CCDC138: variants seen among roughly 807,000 people sequenced by gnomAD.
The protein encoded by CCDC138 is coiled-coil domain-containing protein 138.
Under a neutral mutation model 82.3 loss-of-function variants are expected in CCDC138, and 66 were observed. The observed-to-expected ratio is 0.80, with a 90% CI of 0.66 to 0.98. The LOEUF (loss-of-function observed/expected upper bound fraction) is 0.98, where lower values mean the gene tolerates loss of function less well. CCDC138 is among the 50% of genes least tolerant of loss of function. The probability of loss-of-function intolerance (pLI) is 0.00; values close to 1 mark genes in which losing one functional copy is unlikely to be tolerated. For missense variants in CCDC138, 816 were observed against 758.9 expected, an observed-to-expected ratio of 1.08 and a Z score of -0.88; for synonymous variants, 297 against 265.4, an observed-to-expected ratio of 1.12 and a Z score of -1.16.
At chr2:108,788,174 T>C in intron 2 of CCDC138, 85 bp downstream of exon 2, 2 of 1,396,068 alleles carry the variant, frequency 1.4e-6, no homozygotes, top group Non-Finnish European at 2.0e-6. Flanking sequence ...ATCCCAGCAC[T>C]TTGGGAGGCC....
intron 12 of CCDC138, among the ~76,000 whole-genome samples, chr2:108,854,010 A>ATTTT (rs1558738296): frequency 1.0e-5 from 1 of 99,442 alleles, no homozygotes; most frequent in African/African-American, 4.0e-5. Context: ...TATTATATAT[A>ATTTT]ATATATAATA....
Position 108,812,698 on chromosome 2 carries a change from A to G in CCDC138, c.923A>G (p.Asp308Gly). 1 of 1,610,140 alleles carries G rather than the reference A, an allele frequency of 6.2e-7. No homozygotes were observed. Among genetic ancestry groups the G allele is most frequent in the Non-Finnish European group, 8.5e-7 (1 of 1,176,468 alleles). Residue 308 changes from aspartate (D) to glycine (G), a missense_variant, in exon 8 of 15, where the codon GAT becomes GGT. Physicochemically the swap from Asp to Gly is moderately conservative, Grantham distance 94. Transcript: ENST00000295124. ...IQAKRVQARL[D>G]NLQRKYEFMT... ...GCTAAAAGAGTTCAAGCTCGTTTAG[A>G]TAATTTACAGGTAAGTTGCCTGTTC...
In CCDC138 at chr2:108,804,870, T is replaced by G. The variant is rs767931251; in HGVS notation, c.736-19T>G. 2.0e-6 allele frequency: 3 copies of G among 1,489,096 alleles called. No individual in the cohort carries two copies. Among genetic ancestry groups the G allele is most frequent in the Non-Finnish European group, 1.8e-6 (2 of 1,125,996 alleles). 92.2% of individuals were successfully genotyped at this position (1,489,096 alleles called of 1,614,324 possible). The stretch of plus-strand genomic sequence containing the variant: ...GTCCTTACAAGTTTTAGATGAGAGT[T>G]TTTTTTTTCTCCTCCTAGCAGCATG... On this transcript the variant is annotated intron_variant, in intron 6 of 14. Transcript: ENST00000295124.
intron 2 of CCDC138, 78 bp from the exon 3 acceptor site, chr2:108,788,773 AT>A: frequency 6.4e-7 from 1 of 1,563,252 alleles, no homozygotes; most frequent in Admixed American, 1.9e-5. Context: ...AAATAGTATT[AT>A]TTAGACTTAT....
rs183020282 is a variant in CCDC138, at chr2:108,850,554, C to T, written c.1516+3624C>T. ...GCAGCCTCTGCTTCCCAGGTTCAAGCGATTCTCCTGCCTCAGCCTCCTGAG... is the reference window on the plus strand; with the variant it reads ...GCAGCCTCTGCTTCCCAGGTTCAAGTGATTCTCCTGCCTCAGCCTCCTGAG... On this transcript the variant is annotated intron_variant, in intron 12 of 14. Transcript: ENST00000295124. Among the ~76,000 whole-genome samples, 108 of 152,162 alleles carry T rather than the reference C, an allele frequency of 7.1e-4. No homozygotes were observed. The Middle Eastern group carries it at 0.01, about 15-fold the overall frequency.
intron 6 of CCDC138, among the ~76,000 whole-genome samples, chr2:108,803,045 G>T (rs1366963201): frequency 6.6e-6 from 1 of 152,182 alleles, no homozygotes; most frequent in Non-Finnish European, 1.5e-5. Context: ...CCTCTTAAAG[G>T]TTGGTCTGAG....
intron 12 of CCDC138, among the ~76,000 whole-genome samples, chr2:108,852,553 A>G (rs1691684092): frequency 1.3e-5 from 2 of 152,236 alleles, no homozygotes; most frequent in African/African-American, 2.4e-5. Context: ...CATATACACT[A>G]TGGAATACTA....
At chr2:108,871,552 CA>C (rs1014704998) in intron 13 of CCDC138, among the ~76,000 whole-genome samples, 1 of 151,040 alleles carries the variant, frequency 6.6e-6, no homozygotes, top group Non-Finnish European at 1.5e-5. Flanking sequence ...ACTTTAGCTC[CA>C]AAAAAAATAA....
At chr2:108,869,685 CAAG>C (rs1558765316) in intron 13 of CCDC138, among the ~76,000 whole-genome samples, 1 of 151,760 alleles carries the variant, frequency 6.6e-6, no homozygotes, top group Non-Finnish European at 1.5e-5. Context: ...CCAGAGGAAA[CAAG>C]AAAAAAAGAA....
intron 14 of CCDC138, among the ~76,000 whole-genome samples, chr2:108,874,921 G>GT (rs1695804533): frequency 1.4e-5 from 1 of 72,750 alleles, no homozygotes; most frequent in Non-Finnish European, 3.7e-5. Flanking sequence ...TAATTCATGG[G>GT]ATTTTTTTTT....
chr2:108,842,097 A>G (rs905443523), intron 11 of CCDC138, among the ~76,000 whole-genome samples: 5 of 152,044 alleles, frequency 3.3e-5, no homozygotes, highest in Non-Finnish European at 2.9e-5. Flanking sequence ...TGATGATCAT[A>G]GATCACTGCA....
intron 11 of CCDC138, among the ~76,000 whole-genome samples, chr2:108,843,541 C>T (rs1689876978): frequency 6.6e-6 from 1 of 152,140 alleles, no homozygotes; most frequent in Non-Finnish European, 1.5e-5. Context: ...GATATTTTCA[C>T]TGGGTATCAG....
intron 3 of CCDC138, among the ~76,000 whole-genome samples, chr2:108,790,223 C>T (rs968604577): frequency 3.3e-5 from 5 of 151,888 alleles, no homozygotes; most frequent in Admixed American, 6.6e-5. Context: ...ACATGAGCTA[C>T]GTTGAATGTA....
chr2:108,793,158 C>G (rs1410386930), intron 4 of CCDC138, among the ~76,000 whole-genome samples: 1 of 151,086 alleles, frequency 6.6e-6, no homozygotes, highest in East Asian at 2.0e-4. Context: ...GAGATCCAGA[C>G]CATCCTGGCT....
chr2:108,788,335 G>T (rs866566329), intron 2 of CCDC138, among the ~76,000 whole-genome samples: 1 of 151,988 alleles, frequency 6.6e-6, no homozygotes, highest in African/African-American at 2.4e-5. Flanking sequence ...CAGGAGAATC[G>T]GTTGAACCCG....
intron 6 of CCDC138, among the ~76,000 whole-genome samples, chr2:108,800,269 G>A (rs1411154733): frequency 1.3e-5 from 2 of 151,768 alleles, no homozygotes; most frequent in East Asian, 3.9e-4. Context: ...TTTTTTTGTT[G>A]TTGTTGTTTT....
At chr2:108,877,458 T>C (rs998959921), downstream of CCDC138, among the ~76,000 whole-genome samples, 1 of 151,878 alleles carries the variant, frequency 6.6e-6, no homozygotes, top group Non-Finnish European at 1.5e-5. Flanking sequence ...AAAGTGAGAT[T>C]CTGTCTCAAA....
intron 11 of CCDC138, among the ~76,000 whole-genome samples, chr2:108,845,859 C>G (rs1343830218): frequency 6.6e-6 from 1 of 152,188 alleles, no homozygotes; most frequent in Non-Finnish European, 1.5e-5. Context: ...GCGTGAGCCA[C>G]CGCGCCCAGC....
At chr2:108,826,304 C>T (rs923263290) in intron 10 of CCDC138, among the ~76,000 whole-genome samples, 2 of 152,100 alleles carry the variant, frequency 1.3e-5, no homozygotes, top group Non-Finnish European at 2.9e-5. Context: ...GTATGTTTTG[C>T]ATCATGTTTA....
Sources: gnomAD v4.1 joint callset for allele counts (sites outside exome capture counted in the v4.1 genomes callset) on GRCh38, gnomAD v4.1.1 for gene constraint, MANE v1.5 for transcripts, NCBI Gene and HGNC (gene_info 2026-07-23, HGNC 2026-07-21) for gene names.